BAZ1B: variants seen among roughly 807,000 people sequenced by gnomAD.
The protein encoded by BAZ1B is bromodomain adjacent to zinc finger domain 1B.
A neutral mutation model predicts 153.8 loss-of-function variants in BAZ1B; 22 were observed. The ratio of observed to expected loss-of-function variants is 0.14; its 90% CI spans 0.10 to 0.20. BAZ1B has a LOEUF of 0.20. Ranked by LOEUF, BAZ1B falls within the 10% of genes least tolerant of loss-of-function variation. The probability of loss-of-function intolerance (pLI) is 1.00; values close to 1 mark genes in which losing one functional copy is unlikely to be tolerated. For synonymous variants in BAZ1B, 676 were observed against 633.4 expected (o/e 1.07, Z -1.01); for missense variants, 1,325 against 1,799.3 (o/e 0.74, Z 4.77).
At chr7:73,468,039 T>C (rs1788661446) in intron 9 of BAZ1B, among the ~76,000 whole-genome samples, 1 of 152,248 alleles carries the variant, frequency 6.6e-6, no homozygotes, top group Admixed American at 6.5e-5. Context: ...AACAATTTTG[T>C]GAGTTTCAAG....
intron 15 of BAZ1B, 144 bp downstream of exon 15, chr7:73,449,398 T>C: frequency 1.0e-6 from 1 of 968,234 alleles, no homozygotes; most frequent in East Asian, 2.9e-5. Context: ...GAGCTCCTAT[T>C]GAAGTACTGT....
chr7:73,518,898 T>C (rs1790920801), intron 1 of BAZ1B, among the ~76,000 whole-genome samples: 2 of 152,226 alleles, frequency 1.3e-5, no homozygotes, highest in Admixed American at 1.3e-4. Flanking sequence ...AATACTCATC[T>C]ACAACACGCT....
chr7:73,442,580 C>A, intron 18 of BAZ1B, 27 bp from the exon 19 acceptor site: 9 of 1,593,052 alleles, frequency 5.6e-6, no homozygotes, highest in Non-Finnish European at 7.7e-6. Flanking sequence ...AATGGAGAAT[C>A]TGCACAGCCT....
intron 6 of BAZ1B, among the ~76,000 whole-genome samples, chr7:73,487,058 T>A (rs1300025382): frequency 6.6e-6 from 1 of 152,192 alleles, no homozygotes; most frequent in African/African-American, 2.4e-5. Context: ...GACCAGTATT[T>A]TACATGAGTC....
chr7:73,442,651 C>T (rs1448570560), intron 18 of BAZ1B, 74 bp downstream of exon 18: 3 of 1,561,854 alleles, frequency 1.9e-6, no homozygotes, highest in Non-Finnish European at 2.6e-6. Context: ...GCTGAGAGCC[C>T]CTCAGGGGCT....
intron 9 of BAZ1B, among the ~76,000 whole-genome samples, chr7:73,468,691 T>C (rs1788684750): frequency 6.6e-6 from 1 of 152,182 alleles, no homozygotes; most frequent in Admixed American, 6.5e-5. Flanking sequence ...CAGTCACTCA[T>C]TTTTCGTTAG....
At chr7:73,454,948 C>T (rs940764725) in intron 13 of BAZ1B, among the ~76,000 whole-genome samples, 9 of 152,172 alleles carry the variant, frequency 5.9e-5, no homozygotes, top group African/African-American at 1.4e-4. Flanking sequence ...CTCTACCTCC[C>T]GGGCTCAAGT....
chr7:73,519,896 G>A (rs1021755419), intron 1 of BAZ1B, among the ~76,000 whole-genome samples: 2 of 152,070 alleles, frequency 1.3e-5, no homozygotes, highest in Non-Finnish European at 2.9e-5. Flanking sequence ...CTCCACTGCC[G>A]ATTCGAATGT....
At chr7:73,459,291 G>A (rs1788313095) in intron 13 of BAZ1B, among the ~76,000 whole-genome samples, 1 of 151,042 alleles carries the variant, frequency 6.6e-6, no homozygotes, top group Non-Finnish European at 1.5e-5. Context: ...TGGTAAAGGT[G>A]GGAAGGCCAC....
chr7:73,452,714 T>C (rs1235369477), intron 13 of BAZ1B, among the ~76,000 whole-genome samples: 5 of 146,984 alleles, frequency 3.4e-5, no homozygotes, highest in Non-Finnish European at 7.5e-5. Flanking sequence ...AGAGCAAGAC[T>C]TCATCTCGAG....
intron 1 of BAZ1B, among the ~76,000 whole-genome samples, chr7:73,517,982 T>C (rs992719982): frequency 6.6e-6 from 1 of 152,154 alleles, no homozygotes; most frequent in Non-Finnish European, 1.5e-5. Context: ...TGGCAAAGAG[T>C]GAGCCAACTC....
intron 1 of BAZ1B, among the ~76,000 whole-genome samples, chr7:73,520,541 G>A (rs1043357082): frequency 5.3e-5 from 8 of 151,998 alleles, no homozygotes; most frequent in African/African-American, 1.5e-4. Context: ...AGCAAACCAA[G>A]CCCGAGGACC....
intron 6 of BAZ1B, among the ~76,000 whole-genome samples, chr7:73,484,459 C>T (rs547841493): frequency 2.0e-5 from 3 of 151,984 alleles, no homozygotes; most frequent in African/African-American, 4.8e-5. Context: ...GGTAACATGG[C>T]GAGACCCTGT....
chr7:73,483,574 C>A (rs1563384560), intron 6 of BAZ1B, among the ~76,000 whole-genome samples: 1 of 151,664 alleles, frequency 6.6e-6, no homozygotes, highest in Non-Finnish European at 1.5e-5. Flanking sequence ...TTCTAGCAAC[C>A]ATTCCTTCAA....
intron 13 of BAZ1B, among the ~76,000 whole-genome samples, chr7:73,458,015 T>C (rs1044978130): frequency 2.1e-4 from 32 of 152,324 alleles, no homozygotes; most frequent in African/African-American, 7.5e-4. Context: ...AGTAAAATGC[T>C]TTCCCGGGTT....
intron 4 of BAZ1B, among the ~76,000 whole-genome samples, 182 bp downstream of exon 4, chr7:73,498,315 T>C (rs943058774): frequency 6.6e-6 from 1 of 152,188 alleles, no homozygotes; most frequent in Non-Finnish European, 1.5e-5. Context: ...GTCTTAATTA[T>C]TTAGGGATAT....
chr7:73,469,519 C>A lies in BAZ1B; in HGVS notation c.2864G>T (p.Arg955Leu), dbSNP rs1310053804. 5.6e-6 allele frequency: 9 copies of A among 1,613,988 alleles called. No individual in the cohort carries two copies. Among genetic ancestry groups the A allele is most frequent in the Non-Finnish European group, 7.6e-6 (9 of 1,180,000 alleles). ...CTTAGATATACAGATATACTCACTGCGAGGACAGTAATCCTCATCACCAGA... is the reference window on the plus strand; with the variant it reads ...CTTAGATATACAGATATACTCACTGAGAGGACAGTAATCCTCATCACCAGA... ...TVSGDEDYCP[R>L]SKKANLGKNA... Residue 955 changes from arginine (R) to leucine (L), a missense_variant and splice_region_variant, in exon 9 of 20, where the codon CGC becomes CTC. By Grantham distance (102) the Arg-to-Leu change is moderately radical. Around this residue, in one of 9 missense-constraint regions of BAZ1B, gnomAD observed 431 missense variants for 563.5 expected, o/e 0.76. Coordinates refer to ENST00000339594, the MANE Select transcript of BAZ1B (RefSeq NM_032408.4).
At chr7:73,466,996 A>G (rs1253644811) in intron 9 of BAZ1B, among the ~76,000 whole-genome samples, 1 of 152,164 alleles carries the variant, frequency 6.6e-6, no homozygotes, top group Non-Finnish European at 1.5e-5. Context: ...CAGTGGTACA[A>G]TCTCAGCTCA....
intron 4 of BAZ1B, among the ~76,000 whole-genome samples, chr7:73,497,882 C>A (rs1004190697): frequency 6.6e-6 from 1 of 151,638 alleles, no homozygotes; most frequent in Non-Finnish European, 1.5e-5. Flanking sequence ...CACTTCAAGA[C>A]GAAAGGAAAG....
Sources: allele counts gnomAD v4.1 joint callset (sites outside exome capture counted in the v4.1 genomes callset), GRCh38; gene constraint gnomAD v4.1.1; regional missense constraint gnomAD v4.1.1; transcripts MANE v1.5; gene names NCBI Gene and HGNC (gene_info 2026-07-23, HGNC 2026-07-21).